Variants in ASB3 observed in about 807,000 individuals in gnomAD.
ASB3 encodes ankyrin repeat and SOCS box protein 3.
ASB3 carries 41 observed loss-of-function variants against 54.5 expected under a neutral mutation model. The observed-to-expected ratio is 0.75, with a 90% CI of 0.59 to 0.98. The LOEUF (loss-of-function observed/expected upper bound fraction) is 0.98. Ranked by LOEUF, ASB3 falls within the 50% of genes least tolerant of loss-of-function variation. The probability of loss-of-function intolerance (pLI) is 0.00; values close to 1 mark genes in which losing one functional copy is unlikely to be tolerated. For synonymous variants in ASB3, 266 were observed against 221.2 expected (o/e 1.20, Z -1.80); for missense variants, 733 against 620.0 (o/e 1.18, Z -1.94).
chr2:53,747,693 G>A (rs1672299654), intron 3 of ASB3, among the ~76,000 whole-genome samples: 1 of 152,090 alleles, frequency 6.6e-6, no homozygotes, highest in African/African-American at 2.4e-5. Context: ...TTACAACAGT[G>A]AACAAGATGA....
At chr2:53,755,210 A>G (rs1672749003) in intron 2 of ASB3, among the ~76,000 whole-genome samples, 1 of 152,260 alleles carries the variant, frequency 6.6e-6, no homozygotes, top group South Asian at 2.1e-4. Flanking sequence ...TTGGAGAATT[A>G]GAGCCACCTC....
At chr2:53,749,825 G>A (rs753801053) in intron 3 of ASB3, among the ~76,000 whole-genome samples, 3 of 151,988 alleles carry the variant, frequency 2.0e-5, no homozygotes, top group Non-Finnish European at 4.4e-5. Context: ...GGAATTTTGA[G>A]GAGTGATGGA....
intron 1 of ASB3, chr2:53,774,143 G>C (rs753872446): frequency 6.3e-7 from 1 of 1,588,890 alleles, no homozygotes; most frequent in East Asian, 2.2e-5. Flanking sequence ...TTTCAACAGG[G>C]ATGTGTATGG....
chr2:53,690,616 G>A (rs958483764), intron 9 of ASB3, among the ~76,000 whole-genome samples: 2 of 148,406 alleles, frequency 1.3e-5, no homozygotes, highest in African/African-American at 4.9e-5. Context: ...AGAGCTCAGA[G>A]CCAAATGTAC....
At chr2:53,722,570 C>G (rs1268183833) in intron 5 of ASB3, among the ~76,000 whole-genome samples, 1 of 151,860 alleles carries the variant, frequency 6.6e-6, no homozygotes. Flanking sequence ...AATTAAAAAC[C>G]AAAACTATAT....
chr2:53,734,945 A>T (rs1572934241), intron 3 of ASB3, among the ~76,000 whole-genome samples: 1 of 116,572 alleles, frequency 8.6e-6, no homozygotes, highest in Non-Finnish European at 1.7e-5. Context: ...TTTGAGATGG[A>T]GTCTTGCTCT....
At chr2:53,673,990 C>T (rs1404231437) in intron 9 of ASB3, among the ~76,000 whole-genome samples, 1 of 152,076 alleles carries the variant, frequency 6.6e-6, no homozygotes, top group African/African-American at 2.4e-5. Context: ...CCAGTAAATA[C>T]TAAGGGAATT....
At chr2:53,750,759 C>A in intron 3 of ASB3, 24 bp downstream of exon 3, 1 of 1,468,258 alleles carries the variant, frequency 6.8e-7, no homozygotes, top group South Asian at 1.6e-5. Context: ...AAAATTGCAT[C>A]TGCACCACAA....
At chr2:53,674,939 G>C (rs1033695400) in intron 9 of ASB3, among the ~76,000 whole-genome samples, 2 of 152,142 alleles carry the variant, frequency 1.3e-5, no homozygotes, top group African/African-American at 2.4e-5. Context: ...ATGACCAGTA[G>C]AGGCAATGAA....
intron 9 of ASB3, among the ~76,000 whole-genome samples, chr2:53,674,077 C>T (rs1667957541): frequency 6.6e-6 from 1 of 152,168 alleles, no homozygotes; most frequent in Non-Finnish European, 1.5e-5. Flanking sequence ...TATTTCCAGA[C>T]GTGTTGCCAC....
At chr2:53,672,932 C>T (rs1667891852) in intron 9 of ASB3, among the ~76,000 whole-genome samples, 2 of 152,190 alleles carry the variant, frequency 1.3e-5, no homozygotes. Context: ...TCTCTTTTCA[C>T]ACTCATAATT....
chr2:53,687,657 T>A (rs886418119), intron 9 of ASB3, among the ~76,000 whole-genome samples: 1 of 152,176 alleles, frequency 6.6e-6, no homozygotes, highest in Non-Finnish European at 1.5e-5. Context: ...ACTGCCCCAC[T>A]TCCCACCAAA....
At chr2:53,774,516 T>A (rs371086113) in intron 1 of ASB3, 2 of 1,536,202 alleles carry the variant, frequency 1.3e-6, no homozygotes, top group South Asian at 1.3e-5. Context: ...AGAACCTCAA[T>A]TGCATATAAT....
chr2:53,700,228 T>G, intron 8 of ASB3, 43 bp downstream of exon 8: 1 of 1,580,606 alleles, frequency 6.3e-7, no homozygotes, highest in Non-Finnish European at 8.6e-7. Context: ...AGGTAGTATA[T>G]TCACTCAAAA....
intron 4 of ASB3, 132 bp downstream of exon 4, chr2:53,729,326 C>A (rs1275641142): frequency 2.6e-6 from 2 of 775,138 alleles, no homozygotes; most frequent in Non-Finnish European, 4.1e-6. Context: ...AGCATTTAGA[C>A]TGCCTTTTCT....
rs777834102 is a variant in ASB3 at position 53,733,026 on chromosome 2, G to C, written c.356-3456C>G. Among the ~76,000 whole-genome samples, 7 of 152,186 alleles carry C rather than the reference G, an allele frequency of 4.6e-5. 1 individual carries two copies. Among genetic ancestry groups the C allele is most frequent in the Admixed American group, 1.3e-4 (2 of 15,284 alleles). On this transcript the variant is annotated intron_variant, in intron 3 of 9. Coordinates refer to ENST00000263634, the MANE Select transcript of ASB3 (RefSeq NM_016115.5). ...AGCCTACTGAGAAAACCAAGTATAA[G>C]AGCATGTTTAGAAACTACCTAGCAA...
At position 53,670,676 on chromosome 2, in the gene ASB3, G is replaced by C. The variant is rs3179795; in HGVS notation, c.1384C>G (p.Leu462Val). The C allele has an allele frequency of 6.2e-7, 1 of 1,610,830 alleles. No individual in the cohort carries two copies. The highest frequency in any genetic ancestry group is 8.5e-7 in the Non-Finnish European group (1 of 1,178,568). Residue 462 changes from leucine (L) to valine (V), a missense_variant, in exon 10 of 10, where the codon CTG (leucine) becomes GTG (valine). Leu to Val is a conservative substitution (Grantham distance 32, BLOSUM62 1). Transcript: ENST00000263634. ...LQQHIATVPS[L>V]THLCRLEIRS... ...ATTTCCAAACGACAAAGATGGGTCA[G>C]GGATGGAACAGTGGCTGGAGAAACA...
intron 3 of ASB3, among the ~76,000 whole-genome samples, chr2:53,741,321 T>C (rs916318336): frequency 1.4e-4 from 21 of 152,230 alleles, no homozygotes; most frequent in African/African-American, 4.3e-4. Context: ...AGGCATGGCA[T>C]GCTGTACAGC....
intron 7 of ASB3, among the ~76,000 whole-genome samples, chr2:53,705,425 T>C (rs529587998): frequency 6.6e-5 from 10 of 152,334 alleles, no homozygotes; most frequent in Admixed American, 4.6e-4. Flanking sequence ...TGTTAACTCA[T>C]GTCTGTGACC....
Sources: allele counts gnomAD v4.1 joint callset (sites outside exome capture counted in the v4.1 genomes callset), GRCh38; gene constraint gnomAD v4.1.1; transcripts MANE v1.5; gene names NCBI Gene and HGNC (gene_info 2026-07-23, HGNC 2026-07-21).